JAKMIP3: variants seen among roughly 807,000 people sequenced by gnomAD.
JAKMIP3 encodes janus kinase and microtubule-interacting protein 3.
A neutral mutation model predicts 118.5 loss-of-function variants in JAKMIP3; 58 were observed. The ratio of observed to expected loss-of-function variants is 0.49; its 90% CI spans 0.40 to 0.61. JAKMIP3 has a LOEUF of 0.61. Among genes scored for constraint, JAKMIP3 ranks in the 20% least tolerant of loss-of-function variants. JAKMIP3 has a pLI of 0.00. For synonymous variants in JAKMIP3, 486 were observed against 451.2 expected, an observed-to-expected ratio of 1.08 and a Z score of -0.98; for missense variants, 950 against 1,109.0, an observed-to-expected ratio of 0.86 and a Z score of 2.04.
chr10:132,167,053 G>T lies in JAKMIP3; in HGVS notation c.*20G>T, dbSNP rs978333068. 8 of 1,546,272 alleles carry T rather than the reference G, an allele frequency of 5.2e-6. No individual in the cohort carries two copies. The highest frequency in any genetic ancestry group is 2.0e-5 in the Admixed American group (1 of 50,954). ...TCATAGTCCGTCTTGGCACCCTGAC[G>T]TGGTGAGTATTTCGTTGGCAGGGCC... On this transcript the variant is annotated splice_region_variant and 3_prime_UTR_variant, in exon 22 of 24. Coordinates refer to ENST00000684848, the MANE Select transcript of JAKMIP3 (RefSeq NM_001323087.2).
intron 4 of JAKMIP3, 72 bp from the exon 5 acceptor site, chr10:132,134,969 C>A (rs529294786): frequency 2.5e-6 from 4 of 1,569,340 alleles, no homozygotes; most frequent in Non-Finnish European, 3.5e-6. Context: ...GTTCCCGTAG[C>A]GTGCTGGGAT....
At chr10:132,138,086 C>T (rs751607289) in intron 8 of JAKMIP3, 33 bp from the exon 9 acceptor site, 19 of 1,599,890 alleles carry the variant, frequency 1.2e-5, no homozygotes, top group East Asian at 2.2e-5. Context: ...GCTGCTCTAC[C>T]ACTTACACAA....
chr10:132,079,753 G>A (rs7072786), intron 1 of JAKMIP3, among the ~76,000 whole-genome samples: 3 of 151,892 alleles, frequency 2.0e-5, no homozygotes, highest in African/African-American at 4.8e-5. Context: ...ACTTCCCCTC[G>A]TCCAGGCCCT....
intron 1 of JAKMIP3, among the ~76,000 whole-genome samples, chr10:132,038,569 G>C (rs1204078828): frequency 6.6e-6 from 1 of 152,190 alleles, no homozygotes. Flanking sequence ...GGCCCAGGTG[G>C]GTGGATCACC....
chr10:132,097,971 TTTTC>T (rs201394131), intron 1 of JAKMIP3, among the ~76,000 whole-genome samples: 3 of 26,310 alleles, frequency 1.1e-4, no homozygotes, highest in African/African-American at 1.0e-4. Context: ...CTTTCCTTCC[TTTTC>T]TCCCCTTCCC....
chr10:132,163,146 C>G, intron 19 of JAKMIP3, 63 bp from the exon 20 acceptor site: 2 of 1,476,700 alleles, frequency 1.4e-6, no homozygotes, highest in Non-Finnish European at 1.8e-6. Flanking sequence ...CCTCCGTTGC[C>G]CTTCCTGAAA....
At chr10:132,180,475 G>A (rs1230079281) in intron 23 of JAKMIP3, among the ~76,000 whole-genome samples, 1 of 151,712 alleles carries the variant, frequency 6.6e-6, no homozygotes, top group African/African-American at 2.4e-5. Context: ...CGGAACAGAT[G>A]GGGTAGGGCG....
At chr10:132,114,653 A>C (rs898119200) in intron 2 of JAKMIP3, among the ~76,000 whole-genome samples, 4 of 152,246 alleles carry the variant, frequency 2.6e-5, no homozygotes, top group Non-Finnish European at 4.4e-5. Flanking sequence ...AAGCTTCTAT[A>C]CATTGAATTG....
intron 1 of JAKMIP3, among the ~76,000 whole-genome samples, chr10:132,036,972 G>GCCTC (rs2037526472): frequency 6.6e-6 from 1 of 152,048 alleles, no homozygotes; most frequent in South Asian, 2.1e-4. Context: ...CCCTGCACAG[G>GCCTC]CCTCGGCGCT....
At chr10:132,062,093 G>A (rs968479575), upstream of JAKMIP3, among the ~76,000 whole-genome samples, 7 of 151,968 alleles carry the variant, frequency 4.6e-5, no homozygotes, top group South Asian at 2.1e-4. Context: ...TGGATGATGA[G>A]CACGCCACAG....
intron 23 of JAKMIP3, among the ~76,000 whole-genome samples, chr10:132,180,720 CGT>C (rs1161680680): frequency 0.032 from 544 of 17,012 alleles, 199 homozygotes; most frequent in South Asian, 0.1. Context: ...CGTGTGTGTG[CGT>C]GTGTGTGCGT....
chr10:132,148,523 G>C (rs148214092), intron 14 of JAKMIP3, among the ~76,000 whole-genome samples: 1 of 120,824 alleles, frequency 8.3e-6, no homozygotes, highest in African/African-American at 2.8e-5. Flanking sequence ...CCATCCGCCC[G>C]TCCTCCATCC....
At chr10:132,041,920 A>G (rs4880305) in intron 1 of JAKMIP3, among the ~76,000 whole-genome samples, 13,621 of 150,298 alleles carry the variant, frequency 0.091, 707 homozygotes, top group Admixed American at 0.17. Flanking sequence ...AGGCTGGAGT[A>G]CAGTGGTGCC....
chr10:132,070,273 G>A (rs945098905), intron 1 of JAKMIP3, among the ~76,000 whole-genome samples: 4 of 151,878 alleles, frequency 2.6e-5, no homozygotes, highest in Admixed American at 6.6e-5. Context: ...TCAGCCTCCC[G>A]AGTAGCTGGA....
In JAKMIP3 at chr10:132,164,712, CAAAT is replaced by C; in HGVS notation, c.2471_2474del (p.Ile824ArgfsTer16). 3 of 1,603,632 alleles carry C rather than the reference CAAAT, an allele frequency of 1.9e-6. No individual in the cohort carries two copies. The highest frequency in any genetic ancestry group is 1.7e-5 in the Admixed American group (1 of 59,942). On this transcript the variant is annotated frameshift_variant, in exon 21 of 24. Coordinates refer to ENST00000684848, the MANE Select transcript of JAKMIP3 (RefSeq NM_001323087.2). LOFTEE classifies it high-confidence loss of function. Reference sequence around the variant, plus strand: ...AGAAAGAATAGAAGCTCAGAAGAGACAAATAAAGGAACTGGAGGAAAAGGTAAAA... The same window carrying C: ...AGAAAGAATAGAAGCTCAGAAGAGACAAAGGAACTGGAGGAAAAGGTAAAA...
intron 1 of JAKMIP3, among the ~76,000 whole-genome samples, chr10:132,078,698 T>C (rs1186287363): frequency 3.3e-5 from 5 of 152,202 alleles, no homozygotes; most frequent in African/African-American, 1.2e-4. Context: ...TGGGGTTTCT[T>C]TTCCAGTTGG....
At chr10:132,099,332 A>G (rs1329596931) in intron 1 of JAKMIP3, among the ~76,000 whole-genome samples, 1 of 152,112 alleles carries the variant, frequency 6.6e-6, no homozygotes, top group Non-Finnish European at 1.5e-5. Context: ...CTGCCATAAA[A>G]CGACTTTACC....
At chr10:132,062,681 T>C (rs564791963), upstream of JAKMIP3, among the ~76,000 whole-genome samples, 47 of 152,348 alleles carry the variant, frequency 3.1e-4, no homozygotes, top group African/African-American at 9.9e-4. Context: ...TTCATAGTTA[T>C]GTAGTAAAAA....
intron 3 of JAKMIP3, among the ~76,000 whole-genome samples, chr10:132,132,625 G>A (rs576382991): frequency 7.2e-5 from 11 of 152,330 alleles, no homozygotes; most frequent in African/African-American, 2.2e-4. Context: ...CTGGGCTGCC[G>A]TCTCACCCCA....
Sources: allele counts gnomAD v4.1 joint callset (sites outside exome capture counted in the v4.1 genomes callset), GRCh38; gene constraint gnomAD v4.1.1; transcripts MANE v1.5; gene names NCBI Gene and HGNC (gene_info 2026-07-23, HGNC 2026-07-21).